Variants in SFMBT2 observed in about 807,000 individuals in gnomAD.
SFMBT2 encodes Scm like with four mbt domains 2, also known as scm-like with four MBT domains protein 2.
In SFMBT2, 38 loss-of-function variants were observed where a neutral mutation model predicts 110.1. That is an observed-to-expected ratio of 0.35 (90% CI 0.27 to 0.45). The LOEUF (loss-of-function observed/expected upper bound fraction) is 0.45. Ranked by LOEUF, SFMBT2 falls within the 20% of genes least tolerant of loss-of-function variation. SFMBT2 has a pLI of 1.00. For missense variants in SFMBT2, 1,011 were observed against 1,094.9 expected (o/e 0.92, Z 1.08); for synonymous variants, 425 against 425.4 (o/e 1.00, Z 0.01).
At chr10:7,255,704 G>A (rs1201712043) in intron 7 of SFMBT2, among the ~76,000 whole-genome samples, 1 of 152,146 alleles carries the variant, frequency 6.6e-6, no homozygotes, top group Non-Finnish European at 1.5e-5. Context: ...CTGCACCCTG[G>A]TTTCATCAGC....
chr10:7,181,642 C>T (rs1224389080), intron 16 of SFMBT2, among the ~76,000 whole-genome samples: 1 of 152,182 alleles, frequency 6.6e-6, no homozygotes, highest in African/African-American at 2.4e-5. Flanking sequence ...TTTCTGAGCA[C>T]TATTGGTTGA....
chr10:7,191,947 T>G (rs781498725), intron 15 of SFMBT2, among the ~76,000 whole-genome samples: 16 of 152,202 alleles, frequency 1.1e-4, no homozygotes, highest in Non-Finnish European at 2.2e-4. Context: ...TTGCTATTGC[T>G]TTTCATTGCT....
chr10:7,346,587 G>C (rs770011727), intron 4 of SFMBT2, among the ~76,000 whole-genome samples: 2 of 151,576 alleles, frequency 1.3e-5, no homozygotes, highest in East Asian at 1.9e-4. Context: ...ACTCCCAAAT[G>C]AAGGAAAAAA....
intron 4 of SFMBT2, among the ~76,000 whole-genome samples, chr10:7,366,613 A>G (rs1375128390): frequency 6.6e-6 from 1 of 152,210 alleles, no homozygotes; most frequent in Non-Finnish European, 1.5e-5. Flanking sequence ...TGGCATCAAG[A>G]GCCTGCAAGT....
chr10:7,247,966 G>C (rs1259818866), intron 8 of SFMBT2, among the ~76,000 whole-genome samples: 1 of 151,976 alleles, frequency 6.6e-6, no homozygotes, highest in Non-Finnish European at 1.5e-5. Flanking sequence ...CTTCCACCTT[G>C]GCCTCCCAAA....
chr10:7,283,151 C>A (rs1841995063), intron 6 of SFMBT2, among the ~76,000 whole-genome samples: 1 of 152,158 alleles, frequency 6.6e-6, no homozygotes, highest in Admixed American at 6.5e-5. Context: ...TCAAAACAAA[C>A]AATGTACCAG....
chr10:7,226,514 C>A (rs1359424601), intron 10 of SFMBT2, among the ~76,000 whole-genome samples: 1 of 152,236 alleles, frequency 6.6e-6, no homozygotes, highest in Admixed American at 6.5e-5. Context: ...GCAAACAAGT[C>A]TCTGACCAGC....
At chr10:7,246,859 G>A (rs909449755) in intron 8 of SFMBT2, among the ~76,000 whole-genome samples, 17 of 152,048 alleles carry the variant, frequency 1.1e-4, no homozygotes, top group African/African-American at 2.9e-4. Flanking sequence ...ATGGGCAGCC[G>A]GCATGACTGC....
chr10:7,172,097 G>C lies in SFMBT2; in HGVS notation c.2213C>G (p.Ser738Cys), dbSNP rs930256087. ...DDDTASEETG[S>C]ELRDDQTDTS... Reference sequence around the variant, plus strand: ...GTCCGTCTGGTCATCCCGGAGCTCGGAGCCGGTCTCCTCACTGGCGGTGTC... The same window carrying C: ...GTCCGTCTGGTCATCCCGGAGCTCGCAGCCGGTCTCCTCACTGGCGGTGTC... Residue 738 changes from serine (S) to cysteine (C), a missense_variant, in exon 19 of 21, where the codon TCC becomes TGC. Ser to Cys is a moderately radical substitution (Grantham distance 112). Coordinates refer to ENST00000397167, the MANE Select transcript of SFMBT2 (RefSeq NM_001387889.1). This position sits in a 1 kb window ranked among gnomAD's most constrained non-coding sequence, Gnocchi z 4.6. 74 of 1,605,030 alleles carry C rather than the reference G, an allele frequency of 4.6e-5. No individual in the cohort carries two copies. Among genetic ancestry groups the C allele is most frequent in the Non-Finnish European group, 6.1e-5 (72 of 1,175,172 alleles).
intron 7 of SFMBT2, among the ~76,000 whole-genome samples, chr10:7,251,295 G>A (rs1334567951): frequency 6.6e-6 from 1 of 152,012 alleles, no homozygotes; most frequent in Non-Finnish European, 1.5e-5. Flanking sequence ...CCAATAAGGT[G>A]AAACCCTGTC....
At chr10:7,190,556 C>T (rs1838567040) in intron 15 of SFMBT2, among the ~76,000 whole-genome samples, 2 of 152,230 alleles carry the variant, frequency 1.3e-5, no homozygotes, top group South Asian at 2.1e-4. Context: ...CCAAATTCAA[C>T]AAGCTCTCTA....
chr10:7,323,221 A>C (rs1843252526), intron 4 of SFMBT2, among the ~76,000 whole-genome samples: 1 of 152,178 alleles, frequency 6.6e-6, no homozygotes, highest in Non-Finnish European at 1.5e-5. Flanking sequence ...TGGGAGGCTG[A>C]GGCGGGTTGG....
At chr10:7,209,036 G>C (rs2762599) in intron 11 of SFMBT2, among the ~76,000 whole-genome samples, 2,570 of 152,210 alleles carry the variant, frequency 0.017, 34 homozygotes, top group Non-Finnish European at 0.023. Flanking sequence ...TTATCACCTG[G>C]GAAAGTGTTT....
chr10:7,319,947 T>A (rs1328223863), intron 4 of SFMBT2, among the ~76,000 whole-genome samples: 586 of 64,926 alleles, frequency 9.0e-3, no homozygotes, highest in Middle Eastern at 0.024. Flanking sequence ...ACACAGAGAC[T>A]GAGAGAGACA....
intron 11 of SFMBT2, chr10:7,219,708 A>G (rs1331619336): frequency 1.1e-5 from 1 of 94,036 alleles, no homozygotes; most frequent in Non-Finnish European, 1.4e-5. Context: ...AAATCCTAGG[A>G]AAAAAAACCA....
At chr10:7,378,147 G>T (rs1588494808) in intron 2 of SFMBT2, among the ~76,000 whole-genome samples, 1 of 139,660 alleles carries the variant, frequency 7.2e-6, no homozygotes. Context: ...TGAGTGTATG[G>T]ATGGGTGGAT....
chr10:7,214,120 C>T (rs972474945), intron 11 of SFMBT2, among the ~76,000 whole-genome samples: 8 of 150,208 alleles, frequency 5.3e-5, no homozygotes, highest in East Asian at 3.9e-4. Flanking sequence ...GGTAGAGAAA[C>T]GTACTAAAAA....
rs149324455 is a variant in SFMBT2 at position 7,346,148 on chromosome 10, G to A, written c.436+21501C>T. The stretch of plus-strand genomic sequence containing the variant: ...TTTTGAGCCTGACATTTGACTATAT[G>A]CATCCTATAATACACACTGTATAAT... On this transcript the variant is annotated intron_variant, in intron 4 of 20. Coordinates refer to ENST00000397167, the MANE Select transcript of SFMBT2 (RefSeq NM_001387889.1). Among the ~76,000 whole-genome samples, 1,123 of 152,232 alleles carry A rather than the reference G, an allele frequency of 7.4e-3. 13 individuals carry two copies. Among genetic ancestry groups the A allele is most frequent in the Non-Finnish European group, 8.0e-3 (547 of 68,028 alleles).
At chr10:7,222,010 A>C (rs920449752) in intron 10 of SFMBT2, among the ~76,000 whole-genome samples, 1 of 152,202 alleles carries the variant, frequency 6.6e-6, no homozygotes, top group Non-Finnish European at 1.5e-5. Context: ...TTATATTCTC[A>C]TTATGAGAAA....
Sources: allele counts gnomAD v4.1 joint callset (sites outside exome capture counted in the v4.1 genomes callset), GRCh38; gene constraint gnomAD v4.1.1; non-coding constraint Gnocchi (gnomAD v3.1); transcripts MANE v1.5; gene names NCBI Gene and HGNC (gene_info 2026-07-23, HGNC 2026-07-21).